Variants in TIMP2 observed in about 807,000 individuals in gnomAD.
The protein encoded by TIMP2 is TIMP metallopeptidase inhibitor 2, also known as metalloproteinase inhibitor 2.
A neutral mutation model predicts 24.3 loss-of-function variants in TIMP2; 5 were observed. The observed-to-expected ratio is 0.21, with a 90% CI of 0.11 to 0.43. The LOEUF (loss-of-function observed/expected upper bound fraction) is 0.43, where lower values mean the gene tolerates loss of function less well. TIMP2 is among the 20% of genes least tolerant of loss of function. The pLI is 1.00. For synonymous variants in TIMP2, 130 were observed against 123.2 expected (o/e 1.06, Z -0.37); for missense variants, 221 against 297.5 (o/e 0.74, Z 1.89).
rs1300627132 is a variant in TIMP2, at chr17:78,896,711, C to T, written c.131-22792G>A. On this transcript the variant is annotated intron_variant, in intron 1 of 4. Transcript: ENST00000262768. This position sits in a 1 kb window ranked among gnomAD's most constrained non-coding sequence, Gnocchi z 4.4. ...ACAGCTCCCCCCTCCGCAGAAGCCGCGCTCGGAGCAGCAGAAGGAAGGCGA... is the reference window on the plus strand; with the variant it reads ...ACAGCTCCCCCCTCCGCAGAAGCCGTGCTCGGAGCAGCAGAAGGAAGGCGA... Among the ~76,000 whole-genome samples, 2 of 152,160 alleles carry T rather than the reference C, an allele frequency of 1.3e-5. No individual in the cohort carries two copies. The highest frequency in any genetic ancestry group is 4.8e-5 in the African/African-American group (2 of 41,422).
chr17:78,918,803 A>G (rs1429365944), intron 1 of TIMP2, among the ~76,000 whole-genome samples: 1 of 152,158 alleles, frequency 6.6e-6, no homozygotes, highest in African/African-American at 2.4e-5. Flanking sequence ...GTTCGAGACC[A>G]GCCTGGGCAA....
intron 1 of TIMP2, chr17:78,890,744 T>A (rs899376945): frequency 6.4e-6 from 10 of 1,550,582 alleles, no homozygotes; most frequent in Non-Finnish European, 8.7e-6. Context: ...TCGGATCATC[T>A]GACTGTGCCG....
chr17:78,854,921 C>CGGGGGGG lies in TIMP2; in HGVS notation c.*739_*745dup, dbSNP rs71161632. The CGGGGGGG allele has an allele frequency of 1.3e-4, 5 of 39,110 alleles. No individual in the cohort carries two copies. The highest frequency in any genetic ancestry group is 2.1e-4 in the Non-Finnish European group (4 of 19,162). The allele number at this position is 39,110 out of a possible 1,614,324, so 2.4% of individuals were successfully genotyped here. ...TCCTGCAAGCTGGGGAGCATGTGGG[C>CGGGGGGG]GGGGGGGGGGGGGTGGGGGGGTGGG... On this transcript the variant is annotated 3_prime_UTR_variant, in exon 5 of 5. Coordinates refer to ENST00000262768, the MANE Select transcript of TIMP2 (RefSeq NM_003255.5).
chr17:78,898,609 G>A (rs1173409217), intron 1 of TIMP2: 1 of 152,288 alleles, frequency 6.6e-6, no homozygotes, highest in Non-Finnish European at 1.5e-5. Context: ...TCTTCTTTCT[G>A]CTCAAGTACT....
At position 78,854,032 on chromosome 17, in the gene TIMP2, G is replaced by C. The variant is rs1457101731; in HGVS notation, c.*1635C>G. ...CTGCCCTAGAAAGGGAAGTCATCAAGATCTGTGCTGACCAGGTCCCGGTGG... is the reference window on the plus strand; with the variant it reads ...CTGCCCTAGAAAGGGAAGTCATCAACATCTGTGCTGACCAGGTCCCGGTGG... On this transcript the variant is annotated 3_prime_UTR_variant, in exon 5 of 5. Coordinates refer to ENST00000262768, the MANE Select transcript of TIMP2 (RefSeq NM_003255.5). The C allele has an allele frequency of 6.6e-6, 1 of 152,236 alleles. No individual in the cohort carries two copies. Among genetic ancestry groups the C allele is most frequent in the Non-Finnish European group, 1.5e-5 (1 of 68,108 alleles). The allele number at this position is 152,236 out of a possible 1,614,324, so 9.4% of individuals were successfully genotyped here.
At chr17:78,890,580 AC>A in intron 1 of TIMP2, 1 of 1,490,234 alleles carries the variant, frequency 6.7e-7, no homozygotes, top group Non-Finnish European at 9.0e-7. Flanking sequence ...AGACCCGGGT[AC>A]CAGTGCTGGC....
In TIMP2 at chr17:78,920,849, G is replaced by A. The variant is rs2070303517; in HGVS notation, c.130+4110C>T. 6.6e-6 allele frequency among the ~76,000 whole-genome samples: 1 copy of A among 152,060 alleles called. No homozygotes were observed. Among genetic ancestry groups the A allele is most frequent in the Non-Finnish European group, 1.5e-5 (1 of 68,014 alleles). On this transcript the variant is annotated intron_variant, in intron 1 of 4. Transcript: ENST00000262768. This position sits in a 1 kb window ranked among gnomAD's most constrained non-coding sequence, Gnocchi z 4.5. ...GGAACCCCCTTCCACACCGCCTGGT[G>A]CCAAGATGTACCACCCCCTGCATCC... is the stretch of plus-strand genomic sequence containing the variant.
intron 1 of TIMP2, among the ~76,000 whole-genome samples, chr17:78,907,832 C>G (rs2070174776): frequency 6.6e-6 from 1 of 152,154 alleles, no homozygotes; most frequent in African/African-American, 2.4e-5. Flanking sequence ...CTAATGTCCC[C>G]TCATGTGTCC....
intron 1 of TIMP2, among the ~76,000 whole-genome samples, chr17:78,923,039 T>C (rs1455485581): frequency 6.6e-6 from 1 of 152,028 alleles, no homozygotes; most frequent in Non-Finnish European, 1.5e-5. Flanking sequence ...GCCCTCCCAT[T>C]TGTGGTAGTT....
At chr17:78,893,190 T>C (rs1225436201) in intron 1 of TIMP2, among the ~76,000 whole-genome samples, 1 of 137,554 alleles carries the variant, frequency 7.3e-6, no homozygotes, top group Non-Finnish European at 1.5e-5. Context: ...TGTGCAGGGG[T>C]GTGTGCAAGG....
intron 1 of TIMP2, among the ~76,000 whole-genome samples, chr17:78,874,738 C>A (rs149818394): frequency 1.1e-4 from 15 of 139,994 alleles, no homozygotes; most frequent in Non-Finnish European, 2.0e-4. Flanking sequence ...TCACCACGCC[C>A]GGTTAATTTT....
rs71161632 is a variant in TIMP2, at chr17:78,854,921, C to CGGGGGGGGGGGGGGGGGGGGGGGGG, written c.*745_*746insCCCCCCCCCCCCCCCCCCCCCCCCC. On this transcript the variant is annotated 3_prime_UTR_variant, in exon 5 of 5. Transcript: ENST00000262768. Reference sequence around the variant, plus strand: ...TCCTGCAAGCTGGGGAGCATGTGGGCGGGGGGGGGGGGGTGGGGGGGTGGG... The same window carrying CGGGGGGGGGGGGGGGGGGGGGGGGG: ...TCCTGCAAGCTGGGGAGCATGTGGGCGGGGGGGGGGGGGGGGGGGGGGGGGGGGGGGGGGGGGGTGGGGGGGTGGG... The CGGGGGGGGGGGGGGGGGGGGGGGGG allele has an allele frequency of 1.5e-4, 6 of 39,088 alleles. No homozygotes were observed. Among genetic ancestry groups the CGGGGGGGGGGGGGGGGGGGGGGGGG allele is most frequent in the Admixed American group, 5.6e-4 (2 of 3,582 alleles). The allele number at this position is 39,088 out of a possible 1,614,324, so 2.4% of individuals were successfully genotyped here.
chr17:78,911,619 T>G (rs62074400), intron 1 of TIMP2, among the ~76,000 whole-genome samples: 2,657 of 151,834 alleles, frequency 0.017, 44 homozygotes, highest in African/African-American at 0.037. Context: ...TTAGTAGAGA[T>G]GGGGTTTCGC....
rs556145116 is a variant in TIMP2 at position 78,905,692 on chromosome 17, C to T, written c.130+19267G>A. Among the ~76,000 whole-genome samples, 128 of 152,352 alleles carry T rather than the reference C, an allele frequency of 8.4e-4. 1 individual carries two copies. The South Asian group carries it at 0.014, about 17-fold the overall frequency. On this transcript the variant is annotated intron_variant, in intron 1 of 4. Transcript: ENST00000262768. Reference sequence around the variant, plus strand: ...TCAAGCCTGGGCTCTCCTGACGCTGCCTTGGCAAGCTCTAGAAGGCAGCCC... The same window carrying T: ...TCAAGCCTGGGCTCTCCTGACGCTGTCTTGGCAAGCTCTAGAAGGCAGCCC...
chr17:78,871,762 C>G (rs553830189), intron 2 of TIMP2, among the ~76,000 whole-genome samples: 10 of 150,976 alleles, frequency 6.6e-5, no homozygotes, highest in African/African-American at 1.7e-4. Flanking sequence ...AGGAGAATGG[C>G]GTGAACCCAG....
chr17:78,892,417 C>T (rs901833101), intron 1 of TIMP2: 10 of 1,549,216 alleles, frequency 6.5e-6, no homozygotes, highest in South Asian at 3.6e-5. Context: ...GGGGCGCCCC[C>T]GGGCCTGAGG....
intron 1 of TIMP2, among the ~76,000 whole-genome samples, chr17:78,893,673 T>C (rs548321502): frequency 6.6e-6 from 1 of 152,128 alleles, no homozygotes; most frequent in South Asian, 2.1e-4. Context: ...GGTATGTATG[T>C]GTGCATGCAA....
At chr17:78,873,403 C>T (rs545584851) in intron 2 of TIMP2, among the ~76,000 whole-genome samples, 5 of 151,344 alleles carry the variant, frequency 3.3e-5, no homozygotes, top group Admixed American at 6.6e-5. Context: ...TGGGCTTAAG[C>T]GATTCTCCCA....
intron 1 of TIMP2, among the ~76,000 whole-genome samples, chr17:78,893,115 G>T (rs1011844473): frequency 2.0e-5 from 3 of 151,518 alleles, no homozygotes; most frequent in Admixed American, 6.6e-5. Context: ...GTGTGCACAT[G>T]CACATGTGTG....
Sources: gnomAD v4.1 joint callset for allele counts (sites outside exome capture counted in the v4.1 genomes callset) on GRCh38, gnomAD v4.1.1 for gene constraint, Gnocchi (gnomAD v3.1) non-coding constraint, MANE v1.5 for transcripts, NCBI Gene and HGNC (gene_info 2026-07-23, HGNC 2026-07-21) for gene names.